Variants in MLIP observed in about 807,000 individuals in gnomAD.
MLIP encodes the protein muscular LMNA-interacting protein.
In MLIP, 79 loss-of-function variants were observed where a neutral mutation model predicts 84.8. The observed-to-expected ratio is 0.93, with a 90% confidence interval of 0.78 to 1.12. MLIP has a LOEUF of 1.12. MLIP is among the 50% of genes most tolerant of loss of function. The pLI, the probability that MLIP is intolerant of heterozygous loss-of-function variation, is 0.00. For missense variants in MLIP, 1,257 were observed against 1,160.6 expected (o/e 1.08, Z -1.21); for synonymous variants, 504 against 463.0 (o/e 1.09, Z -1.14).
chr6:54,241,784 G>A (rs1284926090), intron 12 of MLIP, among the ~76,000 whole-genome samples: 1 of 151,996 alleles, frequency 6.6e-6, no homozygotes, highest in Non-Finnish European at 1.5e-5. Flanking sequence ...TCTTGAGATT[G>A]TAGATTAAGA....
chr6:54,113,307 C>A (rs1042145641), intron 1 of MLIP, among the ~76,000 whole-genome samples: 1 of 152,144 alleles, frequency 6.6e-6, no homozygotes, highest in Non-Finnish European at 1.5e-5. Context: ...ATTATTTGAA[C>A]TACTTCAGTA....
intron 1 of MLIP, among the ~76,000 whole-genome samples, chr6:54,116,847 A>G (rs1242123341): frequency 2.6e-5 from 4 of 152,266 alleles, no homozygotes; most frequent in Non-Finnish European, 5.9e-5. Flanking sequence ...AATTTCAACA[A>G]AGTGCTAGTA....
At chr6:54,153,251 C>T (rs564930976) in intron 5 of MLIP, among the ~76,000 whole-genome samples, 7 of 152,036 alleles carry the variant, frequency 4.6e-5, no homozygotes, top group East Asian at 3.9e-4. Context: ...CTAATAAAAA[C>T]GACGGCATAA....
chr6:54,227,322 A>G (rs1780644605), intron 11 of MLIP, among the ~76,000 whole-genome samples: 1 of 152,182 alleles, frequency 6.6e-6, no homozygotes. Context: ...TACAGAGGAC[A>G]AATTAACTAA....
intron 11 of MLIP, chr6:54,216,431 A>T: frequency 6.1e-6 from 6 of 985,190 alleles, no homozygotes; most frequent in Non-Finnish European, 7.2e-6. Context: ...TCTGCTGCTC[A>T]CTGTGATTGA....
chr6:54,041,828 G>A (rs1764760038), intron 1 of MLIP, among the ~76,000 whole-genome samples: 1 of 152,038 alleles, frequency 6.6e-6, no homozygotes, highest in Non-Finnish European at 1.5e-5. Context: ...ATTTTGGCTG[G>A]TACAATTCCT....
intron 11 of MLIP, among the ~76,000 whole-genome samples, chr6:54,205,852 CTT>C: frequency 6.6e-6 from 1 of 152,194 alleles, no homozygotes; most frequent in South Asian, 2.1e-4. Flanking sequence ...AATAATTAAT[CTT>C]CACTCGTTAT....
chr6:54,108,943 T>G (rs1187065724), upstream of MLIP, among the ~76,000 whole-genome samples: 2 of 148,416 alleles, frequency 1.3e-5, no homozygotes, highest in Non-Finnish European at 2.9e-5. Flanking sequence ...GACTGTCACT[T>G]CTTCTTGGAG....
chr6:54,226,025 AT>A (rs753776099), intron 11 of MLIP, among the ~76,000 whole-genome samples: 7 of 152,284 alleles, frequency 4.6e-5, no homozygotes, highest in Non-Finnish European at 8.8e-5. Flanking sequence ...TACTGATTCC[AT>A]TTCTATGTTA....
chr6:54,168,349 C>T (rs1775409244), intron 8 of MLIP, among the ~76,000 whole-genome samples: 1 of 151,824 alleles, frequency 6.6e-6, no homozygotes, highest in Admixed American at 6.6e-5. Flanking sequence ...ACCTCCTTAA[C>T]ATCTAGGTGT....
At chr6:54,091,858 T>G (rs1433396661) in intron 1 of MLIP, among the ~76,000 whole-genome samples, 2 of 152,202 alleles carry the variant, frequency 1.3e-5, no homozygotes, top group Non-Finnish European at 2.9e-5. Context: ...CTGTCTCACT[T>G]TTTTGTAATT....
intron 1 of MLIP, among the ~76,000 whole-genome samples, chr6:54,092,953 T>A (rs189601263): frequency 1.8e-3 from 279 of 152,268 alleles, no homozygotes; most frequent in South Asian, 3.9e-3. Context: ...CTTGGCTTAC[T>A]GCAACCTCTG....
intron 9 of MLIP, among the ~76,000 whole-genome samples, chr6:54,171,475 A>G (rs988236259): frequency 9.9e-5 from 15 of 151,630 alleles, no homozygotes. Context: ...ACCATAAAGG[A>G]TCATTTTACA....
At position 54,138,130 on chromosome 6, in the gene MLIP, C is replaced by T. The variant is rs1771980250; in HGVS notation, c.2061C>T (p.Thr687=). 6.5e-7 allele frequency: 1 copy of T among 1,536,022 alleles called. No individual in the cohort carries two copies. The highest frequency in any genetic ancestry group is 1.4e-5 in the African/African-American group (1 of 73,050). The change falls in exon 4 of 14, where the codon ACC becomes ACT. Residue 687 remains threonine, a synonymous_variant. Transcript: ENST00000502396. The part of the protein sequence containing the change: ...SALHPHCGSG[T]LPSRLGKSES... ...TGCACCCACATTGCGGCAGTGGTACCTTGCCTTCAAGACTTGGGAAATCTG... is the reference window on the plus strand; with the variant it reads ...TGCACCCACATTGCGGCAGTGGTACTTTGCCTTCAAGACTTGGGAAATCTG...
rs759341525 is a variant in MLIP at position 54,124,567 on chromosome 6, T to A, written c.347T>A (p.Ile116Asn). The change falls in exon 3 of 14, where the codon ATT (isoleucine) becomes AAT (asparagine). Residue 116 changes from isoleucine to asparagine, a missense_variant. By Grantham distance (149) the Ile-to-Asn change is moderately radical. Coordinates refer to ENST00000502396, the MANE Select transcript of MLIP (RefSeq NM_001281747.2). ...LTCPSEVSGTILQEREFEANK... is the reference protein window; with the variant it reads ...LTCPSEVSGTNLQEREFEANK... ...TGTCCTTCAGAGGTCAGTGGAACGA[T>A]TTTACAAGAAAGGGAATTCGAAGCA... 2.5e-6 allele frequency: 4 copies of A among 1,614,124 alleles called. No homozygotes were observed. The highest frequency in any genetic ancestry group is 3.4e-6 in the Non-Finnish European group (4 of 1,180,020).
Position 54,136,801 on chromosome 6 carries a change from AC to A in MLIP, c.735del (p.Asp246ThrfsTer11). The A allele has an allele frequency of 2.6e-6, 4 of 1,528,630 alleles. No individual in the cohort carries two copies. Among genetic ancestry groups the A allele is most frequent in the Non-Finnish European group, 3.5e-6 (4 of 1,141,130 alleles). The allele number at this position is 1,528,630 out of a possible 1,614,324, so 94.7% of individuals were successfully genotyped here. ...FVSPTNPNTP[P>X]DPVNLEGASV... ...TTTCTCCAACTAATCCGAACACACC[AC>A]CCGACCCAGTTAACCTCGAGGGAGC... is the stretch of plus-strand genomic sequence containing the variant. On this transcript the variant is annotated frameshift_variant, in exon 4 of 14. Coordinates refer to ENST00000502396, the MANE Select transcript of MLIP (RefSeq NM_001281747.2). LOFTEE classifies it high-confidence loss of function.
chr6:54,213,707 CAAAAAAA>C lies in MLIP; in HGVS notation c.2718+11497_2718+11503del, dbSNP rs1219772069. On this transcript the variant is annotated intron_variant, in intron 11 of 13. Transcript: ENST00000502396. The stretch of plus-strand genomic sequence containing the variant: ...TGGGCAATGGAGTGAGACTTTGTCT[CAAAAAAA>C]AAAAAAAAAAAAAAAAAAAAAACAA... Among the ~76,000 whole-genome samples the C allele has an allele frequency of 0.014, 122 of 8,480 alleles. 7 individuals are homozygous for C. The South Asian group carries it at 0.19, about 13-fold the overall frequency. The allele number at this position is 8,480 out of a possible 152,430, so 5.6% of individuals were successfully genotyped here.
chr6:54,228,589 G>A (rs1223115608), intron 11 of MLIP, among the ~76,000 whole-genome samples: 2 of 75,294 alleles, frequency 2.7e-5, no homozygotes, highest in Non-Finnish European at 8.7e-5. Context: ...GAACTTAGAG[G>A]CACAAAACAC....
At chr6:54,242,092 T>C (rs1187386892) in intron 12 of MLIP, among the ~76,000 whole-genome samples, 1 of 152,222 alleles carries the variant, frequency 6.6e-6, no homozygotes, top group African/African-American at 2.4e-5. Flanking sequence ...ATACCTAGTC[T>C]GGAACCTCTG....
Sources: gnomAD v4.1 joint callset for allele counts (sites outside exome capture counted in the v4.1 genomes callset) on GRCh38, gnomAD v4.1.1 for gene constraint, MANE v1.5 for transcripts, NCBI Gene and HGNC (gene_info 2026-07-23, HGNC 2026-07-21) for gene names.